TXNDC16: variants seen among roughly 807,000 people sequenced by gnomAD.
The protein encoded by TXNDC16 is thioredoxin domain-containing protein 16.
TXNDC16 carries 74 observed loss-of-function variants against 85.6 expected under a neutral mutation model. That is an observed-to-expected ratio of 0.86 (90% CI 0.72 to 1.05). The LOEUF is 1.05. Among genes scored for constraint, TXNDC16 ranks in the 50% least tolerant of loss-of-function variants. The pLI is 0.00. For missense variants in TXNDC16, 959 were observed against 947.0 expected (o/e 1.01, Z -0.17); for synonymous variants, 335 against 326.5 (o/e 1.03, Z -0.28).
rs1041074893 is a variant in TXNDC16, at chr14:52,484,206, G to GA, written c.1109-1242_1109-1241insT. ...TTTGCTACAAAACAATAAGGGGGGG[G>GA]GGTGATTGGAGCAGAATGAGCCATG... On this transcript the variant is annotated intron_variant, in intron 12 of 20. Transcript: ENST00000281741. Among the ~76,000 whole-genome samples the GA allele has an allele frequency of 2.3e-3, 340 of 150,576 alleles. 3 individuals are homozygous for GA. Among genetic ancestry groups the GA allele is most frequent in the African/African-American group, 8.0e-3 (328 of 41,148 alleles).
At chr14:52,544,742 A>T (rs766391510) in intron 1 of TXNDC16, among the ~76,000 whole-genome samples, 4 of 152,032 alleles carry the variant, frequency 2.6e-5, no homozygotes, top group Non-Finnish European at 5.9e-5. Flanking sequence ...GTTATTTCCT[A>T]ATAATTCTGT....
At chr14:52,540,883 G>T (rs2037815182) in intron 4 of TXNDC16, among the ~76,000 whole-genome samples, 1 of 152,126 alleles carries the variant, frequency 6.6e-6, no homozygotes, top group Non-Finnish European at 1.5e-5. Flanking sequence ...CTCAACAAAG[G>T]TTTATCTCAT....
At chr14:52,534,298 T>A (rs924870036) in intron 6 of TXNDC16, among the ~76,000 whole-genome samples, 42 of 152,316 alleles carry the variant, frequency 2.8e-4, no homozygotes, top group African/African-American at 1.0e-3. Flanking sequence ...CTAACCTCTA[T>A]GACAAGCTTG....
chr14:52,481,316 A>G (rs1176545753), intron 14 of TXNDC16, among the ~76,000 whole-genome samples: 1 of 152,022 alleles, frequency 6.6e-6, no homozygotes, highest in Non-Finnish European at 1.5e-5. Flanking sequence ...TCATGTAACC[A>G]AACACCACCT....
At chr14:52,530,377 AT>A (rs1566582343) in intron 6 of TXNDC16, among the ~76,000 whole-genome samples, 4 of 26,702 alleles carry the variant, frequency 1.5e-4, no homozygotes, top group South Asian at 1.3e-3. Flanking sequence ...ATTATATAAT[AT>A]TATATATAAT....
At chr14:52,501,468 C>CT (rs1425477496) in intron 9 of TXNDC16, among the ~76,000 whole-genome samples, 11 of 152,062 alleles carry the variant, frequency 7.2e-5, no homozygotes, top group African/African-American at 2.7e-4. Flanking sequence ...ACCCAGAAAC[C>CT]CAGGCTAATT....
In TXNDC16 at chr14:52,439,206, A is replaced by G; in HGVS notation, c.2192T>C (p.Ile731Thr). The change falls in exon 20 of 21, where the codon ATC becomes ACC. Residue 731 changes from isoleucine to threonine, a missense_variant and splice_region_variant. Transcript: ENST00000281741. ...ATTAAACAAAACAGAAAACTTACTGATATGATTTTCTAGTCCTGCTTCTAA... is the reference window on the plus strand; with the variant it reads ...ATTAAACAAAACAGAAAACTTACTGGTATGATTTTCTAGTCCTGCTTCTAA... ...KKLEAGLENH[I>T]TILPAQEWKP... 6.2e-7 allele frequency: 1 copy of G among 1,613,574 alleles called. No individual in the cohort carries two copies. Among genetic ancestry groups the G allele is most frequent in the Non-Finnish European group, 8.5e-7 (1 of 1,179,748 alleles).
Position 52,432,244 on chromosome 14 carries a change from T to TA in TXNDC16, c.*59dup. 7.0e-7 allele frequency: 1 copy of TA among 1,433,190 alleles called. No individual in the cohort carries two copies. Among genetic ancestry groups the TA allele is most frequent in the Non-Finnish European group, 9.4e-7 (1 of 1,064,642 alleles). 88.8% of individuals were successfully genotyped at this position (1,433,190 alleles called of 1,614,324 possible). On this transcript the variant is annotated 3_prime_UTR_variant, in exon 21 of 21. Transcript: ENST00000281741. ...CTTGAAATGATTTAATATTATTCTT[T>TA]AAGGAAATAAATTAAGTCTATCATG...
At chr14:52,543,297 G>T in intron 3 of TXNDC16, 101 bp downstream of exon 3, 1 of 1,272,056 alleles carries the variant, frequency 7.9e-7, no homozygotes. Flanking sequence ...CAGCTATATA[G>T]CACATATTAT....
intron 18 of TXNDC16, among the ~76,000 whole-genome samples, chr14:52,450,914 C>T (rs548283234): frequency 5.2e-4 from 78 of 149,882 alleles, no homozygotes; most frequent in Middle Eastern, 3.5e-3. Flanking sequence ...TATATGTATA[C>T]ATACACACAC....
intron 14 of TXNDC16, among the ~76,000 whole-genome samples, chr14:52,477,349 G>C (rs1226620044): frequency 2.6e-5 from 4 of 152,066 alleles, no homozygotes; most frequent in African/African-American, 9.7e-5. Flanking sequence ...AATGTAAATG[G>C]CCTAAATGCT....
chr14:52,505,284 C>A (rs937003126), intron 9 of TXNDC16, among the ~76,000 whole-genome samples: 1 of 152,194 alleles, frequency 6.6e-6, no homozygotes, highest in African/African-American at 2.4e-5. Context: ...TTCAGCACCA[C>A]ACCACACCTA....
chr14:52,432,199 G>T lies in TXNDC16; in HGVS notation c.*105C>A. ...ATGTGACTTATATTATAATTCTATT[G>T]GATGGCACTAGTCTGCAAACTTGAA... On this transcript the variant is annotated 3_prime_UTR_variant, in exon 21 of 21. Transcript: ENST00000281741. The T allele has an allele frequency of 2.2e-6, 2 of 929,430 alleles. No homozygotes were observed. Among genetic ancestry groups the T allele is most frequent in the Non-Finnish European group, 3.1e-6 (2 of 653,218 alleles). The allele number at this position is 929,430 out of a possible 1,614,324, so 57.6% of individuals were successfully genotyped here.
In TXNDC16 at chr14:52,433,313, A is replaced by G. The variant is rs142765073; in HGVS notation, c.2195-726T>C. Among the ~76,000 whole-genome samples, 417 of 152,312 alleles carry G rather than the reference A, an allele frequency of 2.7e-3. 2 individuals carry two copies. The highest frequency in any genetic ancestry group is 9.5e-3 in the African/African-American group (394 of 41,588). On this transcript the variant is annotated intron_variant, in intron 20 of 20. Transcript: ENST00000281741. ...AAGAGGAAAACTGATTAAGGCTGAT[A>G]ACATAGAGATAAATTAGCTAACTTT...
intron 12 of TXNDC16, among the ~76,000 whole-genome samples, chr14:52,484,911 A>G (rs1250836222): frequency 6.6e-6 from 1 of 152,112 alleles, no homozygotes; most frequent in African/African-American, 2.4e-5. Flanking sequence ...CAGCACATAT[A>G]ATTATGTACA....
At chr14:52,466,988 GA>G (rs578037663) in intron 16 of TXNDC16, among the ~76,000 whole-genome samples, 2 of 148,664 alleles carry the variant, frequency 1.3e-5, no homozygotes, top group Non-Finnish European at 3.0e-5. Flanking sequence ...AGAGTCAATA[GA>G]AAAAAAAACA....
intron 14 of TXNDC16, among the ~76,000 whole-genome samples, chr14:52,480,961 GTATATATATATATGTATATATATATA>G (rs987433545): frequency 4.2e-5 from 5 of 118,566 alleles, no homozygotes; most frequent in Admixed American, 9.1e-5. Flanking sequence ...GTGTGTGTGT[GTATATATATATATGTATATATATATA>G]TATATATATA....
intron 6 of TXNDC16, among the ~76,000 whole-genome samples, chr14:52,534,485 C>G (rs1335317498): frequency 6.6e-6 from 1 of 152,096 alleles, no homozygotes; most frequent in East Asian, 1.9e-4. Context: ...CCGATGTGGC[C>G]CAGGTAAGCC....
intron 12 of TXNDC16, 125 bp downstream of exon 12, chr14:52,488,238 G>A (rs892757072): frequency 2.2e-5 from 26 of 1,170,122 alleles, no homozygotes; most frequent in African/African-American, 3.2e-5. Context: ...AATAAATTCC[G>A]CCAGGTTTCT....
Sources: gnomAD v4.1 joint callset for allele counts (sites outside exome capture counted in the v4.1 genomes callset) on GRCh38, gnomAD v4.1.1 for gene constraint, MANE v1.5 for transcripts, NCBI Gene and HGNC (gene_info 2026-07-23, HGNC 2026-07-21) for gene names.